RARA: variants seen among roughly 807,000 people sequenced by gnomAD.
RARA encodes the protein PML-DDX5-RARA fusion.
In RARA, 5 loss-of-function variants were observed where a neutral mutation model predicts 42.8. The observed-to-expected ratio is 0.12, with a 90% CI of 0.06 to 0.25. The LOEUF (loss-of-function observed/expected upper bound fraction) is 0.25, where lower values mean the gene tolerates loss of function less well. Among genes scored for constraint, RARA ranks in the 10% least tolerant of loss-of-function variants. The probability of loss-of-function intolerance (pLI) is 1.00; values close to 1 mark genes in which losing one functional copy is unlikely to be tolerated. For missense variants in RARA, 402 were observed against 628.7 expected, an observed-to-expected ratio of 0.64 and a Z score of 3.86; for synonymous variants, 256 against 259.5, an observed-to-expected ratio of 0.99 and a Z score of 0.13.
At chr17:40,349,200 T>G (rs2034366177) in intron 3 of RARA, 1 of 158,268 alleles carries the variant, frequency 6.3e-6, no homozygotes, top group Non-Finnish European at 1.4e-5. Context: ...TTGTTCCTGG[T>G]CTGTTCTTCC....
intron 1 of RARA, among the ~76,000 whole-genome samples, chr17:40,327,050 G>A (rs1232471597): frequency 6.6e-6 from 1 of 152,160 alleles, no homozygotes; most frequent in Non-Finnish European, 1.5e-5. Flanking sequence ...TAGGCTTTTT[G>A]GAGGCTCTGA....
chr17:40,337,592 C>G (rs1178232881), intron 2 of RARA, among the ~76,000 whole-genome samples: 1 of 152,142 alleles, frequency 6.6e-6, no homozygotes, highest in African/African-American at 2.4e-5. Flanking sequence ...ACTGAAGGAA[C>G]AGAATGTAAA....
chr17:40,317,721 C>A (rs1368864738), intron 1 of RARA, among the ~76,000 whole-genome samples: 2 of 149,802 alleles, frequency 1.3e-5, no homozygotes, highest in Non-Finnish European at 3.0e-5. Flanking sequence ...CTTTTTCTTG[C>A]AGCTGAGATA....
intron 1 of RARA, among the ~76,000 whole-genome samples, chr17:40,318,028 G>A (rs942455615): frequency 4.6e-5 from 7 of 152,168 alleles, no homozygotes; most frequent in Non-Finnish European, 8.8e-5. Context: ...TTCGGTTCTG[G>A]GTCTGAGGGA....
At chr17:40,314,981 T>C (rs1039849317) in intron 1 of RARA, among the ~76,000 whole-genome samples, 3 of 151,570 alleles carry the variant, frequency 2.0e-5, no homozygotes, top group Admixed American at 2.0e-4. Flanking sequence ...CGCTTCTCCC[T>C]TGTGATCCAC....
Position 40,351,364 on chromosome 17 carries a change from G to A in RARA, c.470-546G>A, listed in dbSNP as rs781524847. The A allele has an allele frequency of 5.2e-5, 21 of 401,546 alleles. 1 individual carries two copies. Among genetic ancestry groups the A allele is most frequent in the African/African-American group, 3.6e-4 (17 of 47,830 alleles). The allele number at this position is 401,546 out of a possible 1,614,324, so 24.9% of individuals were successfully genotyped here. A position where few individuals can be genotyped will look rare whatever the true frequency, so the allele number is the denominator to read the frequency against. ...TTCTTTAAAGCCGAGTGGTGTGTGC[G>A]GCTCAGCGCCCCTGGTGATTTGTCA... On this transcript the variant is annotated intron_variant, in intron 4 of 8. Transcript: ENST00000254066. The surrounding 1 kb of genome is among the most constrained non-coding windows in gnomAD (Gnocchi z 4.1).
Position 40,354,784 on chromosome 17 carries a change from C to T in RARA, c.1012+278C>T, listed in dbSNP as rs1238928179. 6.6e-6 allele frequency among the ~76,000 whole-genome samples: 1 copy of T among 152,344 alleles called. No homozygotes were observed. Among genetic ancestry groups the T allele is most frequent in the African/African-American group, 2.4e-5 (1 of 41,566 alleles). Reference sequence around the variant, plus strand: ...TGACCCTGAGCAGGTTGCTGAACTTCTCTGGGCCTCCGTTTCTGTACAGTG... The same window carrying T: ...TGACCCTGAGCAGGTTGCTGAACTTTTCTGGGCCTCCGTTTCTGTACAGTG... On this transcript the variant is annotated intron_variant, in intron 7 of 8. Coordinates refer to ENST00000254066, the MANE Select transcript of RARA (RefSeq NM_000964.4). The surrounding 1 kb of genome is among the most constrained non-coding windows in gnomAD (Gnocchi z 4.5).
chr17:40,313,314 T>C (rs2033131390), intron 1 of RARA, among the ~76,000 whole-genome samples: 1 of 152,068 alleles, frequency 6.6e-6, no homozygotes, highest in Non-Finnish European at 1.5e-5. Flanking sequence ...AGTGGGGAGA[T>C]TACTACTGGC....
chr17:40,321,029 C>A (rs1203393444), intron 1 of RARA, among the ~76,000 whole-genome samples: 1 of 152,154 alleles, frequency 6.6e-6, no homozygotes, highest in Non-Finnish European at 1.5e-5. Context: ...CTGACGCCTG[C>A]TGTCTTTCCT....
chr17:40,352,377 A>T lies in RARA; in HGVS notation c.677A>T (p.Asp226Val), dbSNP rs745604036. 8.7e-6 allele frequency: 14 copies of T among 1,613,318 alleles called. No homozygotes were observed. The Admixed American group carries it at 2.3e-4, about 27-fold the overall frequency. Residue 226 changes from aspartate (D) to valine (V), a missense_variant, in exon 6 of 9, where the codon GAC (aspartate) becomes GTC (valine). By Grantham distance (152) the Asp-to-Val change is radical (BLOSUM62 -3). Around this residue, in one of 5 missense-constraint regions of RARA, gnomAD observed 130 missense variants for 267.9 expected, o/e 0.49. Coordinates refer to ENST00000254066, the MANE Select transcript of RARA (RefSeq NM_000964.4). This position sits in a 1 kb window ranked among gnomAD's most constrained non-coding sequence, Gnocchi z 4.9. ...GTCTCTCTGGACATTGACCTCTGGG[A>T]CAAGTTCAGTGAACTCTCCACCAAG... Reference protein sequence around the residue: ...QRVSLDIDLWDKFSELSTKCI... With the variant: ...QRVSLDIDLWVKFSELSTKCI...
intron 6 of RARA, among the ~76,000 whole-genome samples, chr17:40,353,432 C>A (rs145639626): frequency 2.0e-5 from 3 of 152,132 alleles, no homozygotes; most frequent in African/African-American, 7.2e-5. Context: ...TGGGATTTGA[C>A]GAGACTGTCA....
rs1459968622 is a variant in RARA, at chr17:40,315,130, GTGTATATATATATATATA to G, written c.-363+5846_-363+5863del. Among the ~76,000 whole-genome samples, 10 of 53,988 alleles carry G rather than the reference GTGTATATATATATATATA, an allele frequency of 1.9e-4. 1 individual carries two copies. The highest frequency in any genetic ancestry group is 5.4e-4 in the African/African-American group (9 of 16,760). The allele number at this position is 53,988 out of a possible 152,430, so 35.4% of individuals were successfully genotyped here. On this transcript the variant is annotated intron_variant, in intron 1 of 8. Coordinates refer to ENST00000254066, the MANE Select transcript of RARA (RefSeq NM_000964.4). ...TATATATATATATATATGCTTATAT[GTGTATATATATATATATA>G]TATATATATATATATATATATATAC...
At chr17:40,315,179 C>A (rs2033185210) in intron 1 of RARA, among the ~76,000 whole-genome samples, 1 of 140,728 alleles carries the variant, frequency 7.1e-6, no homozygotes, top group Admixed American at 7.2e-5. Context: ...TATACACACA[C>A]ACACACACAC....
At chr17:40,340,504 T>C (rs1198137678) in intron 2 of RARA, among the ~76,000 whole-genome samples, 1 of 152,220 alleles carries the variant, frequency 6.6e-6, no homozygotes, top group African/African-American at 2.4e-5. Context: ...GTTCCTTCAA[T>C]GAACTCATCA....
In RARA at chr17:40,309,205, G is replaced by A. The variant is rs2033049690; in HGVS notation, c.-444G>A. 6.6e-6 allele frequency: 1 copy of A among 152,376 alleles called. No individual in the cohort carries two copies. The highest frequency in any genetic ancestry group is 2.1e-4 in the South Asian group (1 of 4,842). 9.4% of individuals were successfully genotyped at this position (152,376 alleles called of 1,614,324 possible). On this transcript the variant is annotated 5_prime_UTR_variant, in exon 1 of 9. Transcript: ENST00000254066. ...GCAGCAGCCTAACCCAGAAGCAGGGGGGAATCCTGAATCGAGCTGAGAGGG... is the reference window on the plus strand; with the variant it reads ...GCAGCAGCCTAACCCAGAAGCAGGGAGGAATCCTGAATCGAGCTGAGAGGG...
chr17:40,356,278 G>A lies in RARA; in HGVS notation c.*52G>A, dbSNP rs1245951322. ...TCGCCCTCCGCCCCGGCTTTTCTCT[G>A]CCTTTCTACCGACCATGTGACCCCG... On this transcript the variant is annotated 3_prime_UTR_variant, in exon 9 of 9. Transcript: ENST00000254066. 2.0e-6 allele frequency: 3 copies of A among 1,517,874 alleles called. No individual in the cohort carries two copies. The highest frequency in any genetic ancestry group is 1.4e-5 in the African/African-American group (1 of 72,604). 94.0% of individuals were successfully genotyped at this position (1,517,874 alleles called of 1,614,324 possible).
At chr17:40,311,002 G>A (rs1177900209) in intron 1 of RARA, among the ~76,000 whole-genome samples, 1 of 152,140 alleles carries the variant, frequency 6.6e-6, no homozygotes, top group East Asian at 1.9e-4. Flanking sequence ...TGTTACCAGA[G>A]CACCTGTGGT....
intron 1 of RARA, among the ~76,000 whole-genome samples, chr17:40,315,682 C>T (rs1380722459): frequency 6.6e-6 from 1 of 152,044 alleles, no homozygotes; most frequent in Non-Finnish European, 1.5e-5. Context: ...AGAAGACAGC[C>T]TTGTTGTACT....
At chr17:40,335,464 C>T (rs907481719) in intron 2 of RARA, among the ~76,000 whole-genome samples, 18 of 151,382 alleles carry the variant, frequency 1.2e-4, no homozygotes, top group Non-Finnish European at 2.1e-4. Flanking sequence ...CCAAGGCGGG[C>T]GGATGACCTG....
Sources: gnomAD v4.1 joint callset for allele counts (sites outside exome capture counted in the v4.1 genomes callset) on GRCh38, gnomAD v4.1.1 for gene constraint, gnomAD v4.1.1 regional missense constraint, Gnocchi (gnomAD v3.1) non-coding constraint, MANE v1.5 for transcripts, NCBI Gene and HGNC (gene_info 2026-07-23, HGNC 2026-07-21) for gene names.